AGXT: variants seen among roughly 807,000 people sequenced by gnomAD.
AGXT encodes L-alanine: glyoxylate aminotransferase 1.
A neutral mutation model predicts 46.9 loss-of-function variants in AGXT; 41 were observed. That is an observed-to-expected ratio of 0.88 (90% CI 0.68 to 1.14). The LOEUF is 1.14. Among genes scored for constraint, AGXT ranks in the 50% most tolerant of loss-of-function variants. The pLI, the probability that AGXT is intolerant of heterozygous loss-of-function variation, is 0.00. For missense variants in AGXT, 525 were observed against 522.7 expected, an observed-to-expected ratio of 1.00 and a Z score of -0.04; for synonymous variants, 244 against 227.9, an observed-to-expected ratio of 1.07 and a Z score of -0.64.
rs545708737 is a variant in AGXT, at chr2:240,870,765, C to T, written c.423+57C>T. On this transcript the variant is annotated intron_variant, in intron 3 of 10. Coordinates refer to ENST00000307503, the MANE Select transcript of AGXT (RefSeq NM_000030.3). ...GAGGAGGTGGGAGTGGGCATGCTGG[C>T]TCAGGGGCTGCCTGGAATTGGCCAG... The T allele has an allele frequency of 7.9e-6, 12 of 1,509,704 alleles. No individual in the cohort carries two copies. The South Asian group carries it at 1.2e-4, about 15-fold the overall frequency. 93.5% of individuals were successfully genotyped at this position (1,509,704 alleles called of 1,614,324 possible).
intron 8 of AGXT, chr2:240,877,184 G>C (rs953913593): frequency 6.4e-6 from 3 of 467,972 alleles, no homozygotes; most frequent in Non-Finnish European, 1.3e-5. Context: ...CTGGGAGCCA[G>C]CACCCTGAGC....
In AGXT at chr2:240,868,985, C is replaced by T. The variant is rs1333685290; in HGVS notation, c.120C>T (p.Ala40=). The T allele has an allele frequency of 3.1e-5, 48 of 1,534,288 alleles. No individual in the cohort carries two copies. Among genetic ancestry groups the T allele is most frequent in the Middle Eastern group, 1.7e-4 (1 of 5,778 alleles). Residue 40 remains alanine (A), a synonymous_variant, in exon 1 of 11, where the codon GCC becomes GCT. Coordinates refer to ENST00000307503, the MANE Select transcript of AGXT (RefSeq NM_000030.3). ...ACCTGCCTCCTCGCATCATGGCAGC[C>T]GGGGGGCTGCAGATGATCGGGTCCA... ...PSNLPPRIMA[A]GGLQMIGSMS...
intron 6 of AGXT, 67 bp from the exon 7 acceptor site, chr2:240,875,042 A>G (rs964497474): frequency 4.3e-6 from 6 of 1,392,426 alleles, no homozygotes; most frequent in Non-Finnish European, 6.1e-6. Context: ...CAGGACAGCC[A>G]GCGAGACTGC....
At chr2:240,874,985 TG>T in intron 6 of AGXT, 123 bp from the exon 7 acceptor site, 2 of 792,418 alleles carry the variant, frequency 2.5e-6, no homozygotes, top group Non-Finnish European at 4.3e-6. Context: ...CAAATGCAGC[TG>T]GGGCGGGCCC....
rs757583201 is a variant in AGXT at position 240,871,408 on chromosome 2, C to G, written c.483C>G (p.Gly161=). 3.1e-6 allele frequency: 5 copies of G among 1,600,274 alleles called. No homozygotes were observed. The South Asian group carries it at 3.4e-5, about 11-fold the overall frequency. The change falls in exon 4 of 11, where the codon GGC becomes GGG. Residue 161 remains glycine, a synonymous_variant. Coordinates refer to ENST00000307503, the MANE Select transcript of AGXT (RefSeq NM_000030.3). ...LFLTHGESST[G]VLQPLDGFGE... ...TAACCCACGGGGAGTCGTCCACCGGCGTGCTGCAGCCCCTTGATGGCTTCG... is the reference window on the plus strand; with the variant it reads ...TAACCCACGGGGAGTCGTCCACCGGGGTGCTGCAGCCCCTTGATGGCTTCG...
chr2:240,877,505 G>A, intron 8 of AGXT, 32 bp from the exon 9 acceptor site: 2 of 1,529,516 alleles, frequency 1.3e-6, no homozygotes, highest in Non-Finnish European at 1.8e-6. Context: ...CCCCACCCAT[G>A]TCACTGCCCA....
Position 240,878,753 on chromosome 2 carries a change from G to T in AGXT, c.1111G>T (p.Glu371Ter). Reference sequence around the variant, plus strand: ...CCTGCTGGGCTGCAATGCCACCCGCGAGAATGTGGACCGCGTGACGGAGGC... The same window carrying T: ...CCTGCTGGGCTGCAATGCCACCCGCTAGAATGTGGACCGCGTGACGGAGGC... ...IGLLGCNATR[E>*]NVDRVTEALR... is the part of the protein sequence containing the mutation. The change falls in exon 11 of 11, where the codon GAG becomes TAG. Residue 371 changes from glutamate to a stop codon, truncating the protein, a stop_gained. Coordinates refer to ENST00000307503, the MANE Select transcript of AGXT (RefSeq NM_000030.3). LOFTEE classifies it high-confidence loss of function. The T allele has an allele frequency of 6.3e-7, 1 of 1,587,268 alleles. No individual in the cohort carries two copies.
chr2:240,873,105 G>A, intron 5 of AGXT, 56 bp downstream of exon 5: 2 of 1,478,000 alleles, frequency 1.4e-6, no homozygotes, highest in Non-Finnish European at 1.9e-6. Flanking sequence ...GGCTCCGCGT[G>A]CAGGAAGCCC....
rs1427164320 is a variant in AGXT at position 240,879,255 on chromosome 2, C to G, written c.*434C>G. 4.9e-5 allele frequency: 13 copies of G among 265,430 alleles called. No individual in the cohort carries two copies. The highest frequency in any genetic ancestry group is 1.3e-3 in the Middle Eastern group (1 of 788). The allele number at this position is 265,430 out of a possible 1,614,324, so 16.4% of individuals were successfully genotyped here. A position where few individuals can be genotyped will look rare whatever the true frequency, so the allele number is the denominator to read the frequency against. ...CCTCCCCTGGAGGAGGTGCTGTCAC[C>G]ACACTCTAGCCCCAGATGTCACACC... On this transcript the variant is annotated 3_prime_UTR_variant, in exon 11 of 11. Coordinates refer to ENST00000307503, the MANE Select transcript of AGXT (RefSeq NM_000030.3).
intron 5 of AGXT, 81 bp downstream of exon 5, chr2:240,873,130 G>T (rs916460788): frequency 7.2e-6 from 9 of 1,246,024 alleles, no homozygotes; most frequent in Non-Finnish European, 9.3e-6. Flanking sequence ...GGAAGCGTGC[G>T]TCCAGCAGCC....
intron 6 of AGXT, 50 bp downstream of exon 6, chr2:240,874,112 A>G (rs752307206): frequency 6.3e-7 from 1 of 1,584,620 alleles, no homozygotes; most frequent in South Asian, 1.1e-5. Flanking sequence ...GCTTGCAGGG[A>G]GCTCAGGTGG....
At chr2:240,877,410 T>A in intron 8 of AGXT, 127 bp from the exon 9 acceptor site, 1 of 911,422 alleles carries the variant, frequency 1.1e-6, no homozygotes, top group Non-Finnish European at 1.7e-6. Context: ...AAAGTCAAAC[T>A]GGGGGCTCCA....
In AGXT at chr2:240,873,168, CCAGGCCCAGGGAAA is replaced by C. The variant is rs2059001109; in HGVS notation, c.595+122_595+135del. ...TGCTGCGGATTCGGCCCCATCTCCA[CCAGGCCCAGGGAAA>C]CACTCACTCCTTACTGCGGCAAGAG... On this transcript the variant is annotated intron_variant, in intron 5 of 10. Coordinates refer to ENST00000307503, the MANE Select transcript of AGXT (RefSeq NM_000030.3). The C allele has an allele frequency of 4.7e-6, 4 of 850,008 alleles. No homozygotes were observed. In the Admixed American group the frequency reaches 5.9e-5, roughly 13 times the overall value. 52.7% of individuals were successfully genotyped at this position (850,008 alleles called of 1,614,324 possible).
At chr2:240,871,514 G>A in intron 4 of AGXT, 65 bp downstream of exon 4, 3 of 1,439,714 alleles carry the variant, frequency 2.1e-6, no homozygotes, top group South Asian at 1.2e-5. Context: ...GGAGGGGTGG[G>A]CACTGGTCCC....
chr2:240,871,761 C>T (rs996797135), intron 4 of AGXT, among the ~76,000 whole-genome samples: 3 of 152,204 alleles, frequency 2.0e-5, no homozygotes, highest in Admixed American at 6.5e-5. Flanking sequence ...CACCTCACCC[C>T]GAGATTGCCA....
intron 7 of AGXT, 120 bp downstream of exon 7, chr2:240,875,324 C>A: frequency 1.2e-6 from 1 of 828,992 alleles, no homozygotes; most frequent in South Asian, 1.6e-5. Context: ...TCAAGAACCC[C>A]AACTAGAGCC....
chr2:240,878,140 C>G lies in AGXT; in HGVS notation c.1061C>G (p.Ser354Cys), dbSNP rs1224875421. 6.2e-7 allele frequency: 1 copy of G among 1,612,978 alleles called. No homozygotes were observed. The highest frequency in any genetic ancestry group is 1.7e-5 in the Admixed American group (1 of 60,020). ...GAGATCATGGGTGGCCTTGGGCCCT[C>G]CACGGGGAAGGTGAGAGGGAGCGCC... is the stretch of plus-strand genomic sequence containing the variant. Reference protein sequence around the residue: ...DIEIMGGLGPSTGKVLRIGLL... With the variant: ...DIEIMGGLGPCTGKVLRIGLL... Residue 354 changes from serine to cysteine, a missense_variant, in exon 10 of 11, where the codon TCC (serine) becomes TGC (cysteine). Ser to Cys is a moderately radical substitution (Grantham distance 112). Transcript: ENST00000307503.
intron 9 of AGXT, 148 bp downstream of exon 9, chr2:240,877,780 G>T: frequency 4.8e-6 from 5 of 1,037,936 alleles, no homozygotes; most frequent in Non-Finnish European, 7.0e-6. Flanking sequence ...ATTAGTCTCG[G>T]CAGGAGCCAC....
At position 240,876,011 on chromosome 2, in the gene AGXT, G is replaced by A. The variant is rs1209077784; in HGVS notation, c.846+7G>A. The A allele has an allele frequency of 2.5e-6, 4 of 1,613,822 alleles. No individual in the cohort carries two copies. In the South Asian group the frequency reaches 4.4e-5, roughly 18 times the overall value. The stretch of plus-strand genomic sequence containing the variant: ...GGCCCTCATTGCGGAACAGGTGCAT[G>A]GGCTGCACTCCACAGGAGGAGACAG... On this transcript the variant is annotated splice_region_variant and intron_variant, in intron 8 of 10. Coordinates refer to ENST00000307503, the MANE Select transcript of AGXT (RefSeq NM_000030.3).
Sources: allele counts gnomAD v4.1 joint callset (sites outside exome capture counted in the v4.1 genomes callset), GRCh38; gene constraint gnomAD v4.1.1; transcripts MANE v1.5; gene names NCBI Gene and HGNC (gene_info 2026-07-23, HGNC 2026-07-21).